The following KCNAB1 variants were observed in gnomAD, a reference collection of about 807,000 sequenced individuals.
KCNAB1 encodes voltage-gated potassium channel subunit beta-1.
Under a neutral mutation model 64.6 loss-of-function variants are expected in KCNAB1, and 35 were observed. The observed-to-expected ratio is 0.54, with a 90% CI of 0.41 to 0.72. The LOEUF is 0.72. Among genes scored for constraint, KCNAB1 ranks in the 30% least tolerant of loss-of-function variants. KCNAB1 has a pLI of 0.00. For synonymous variants in KCNAB1, 177 were observed against 183.8 expected, an observed-to-expected ratio of 0.96 and a Z score of 0.30; for missense variants, 401 against 512.9, an observed-to-expected ratio of 0.78 and a Z score of 2.11.
chr3:156,148,699 A>T (rs1033894706), intron 1 of KCNAB1, among the ~76,000 whole-genome samples: 1 of 152,192 alleles, frequency 6.6e-6, no homozygotes, highest in African/African-American at 2.4e-5. Flanking sequence ...TTTTTAACCA[A>T]TCCTAGTAAT....
In KCNAB1 at chr3:156,326,569, A is replaced by G. The variant is rs528205841; in HGVS notation, c.276-95047A>G. ...ACTCTATGAGATCTGGCATCTAGCA[A>G]CTTCTCCAACCTCAATTCTTATCAC... On this transcript the variant is annotated intron_variant, in intron 1 of 13. Transcript: ENST00000490337. 3.9e-5 allele frequency among the ~76,000 whole-genome samples: 6 copies of G among 152,230 alleles called. No homozygotes were observed. The South Asian group carries it at 1.2e-3, about 32-fold the overall frequency.
At chr3:156,496,444 T>C (rs11715743) in intron 8 of KCNAB1, among the ~76,000 whole-genome samples, 31,073 of 152,096 alleles carry the variant, frequency 0.2, 3,274 homozygotes, top group Middle Eastern at 0.26. Context: ...CCTGCCACCA[T>C]GTAAGACGTG....
chr3:156,264,913 G>A (rs1022328714), intron 1 of KCNAB1, among the ~76,000 whole-genome samples: 1 of 152,148 alleles, frequency 6.6e-6, no homozygotes, highest in Non-Finnish European at 1.5e-5. Flanking sequence ...TGACCACTTA[G>A]CTTATTTGGT....
At chr3:156,257,718 A>G (rs1019937237) in intron 1 of KCNAB1, among the ~76,000 whole-genome samples, 4 of 152,200 alleles carry the variant, frequency 2.6e-5, no homozygotes, top group Non-Finnish European at 5.9e-5. Flanking sequence ...CCTTCCATCC[A>G]TGGTGGCTGC....
intron 1 of KCNAB1, among the ~76,000 whole-genome samples, chr3:156,395,947 T>C (rs1292421236): frequency 6.6e-6 from 1 of 152,200 alleles, no homozygotes; most frequent in African/African-American, 2.4e-5. Context: ...CTGCCCAAGA[T>C]TGGTGCTTCT....
chr3:156,206,858 A>G (rs942858106), intron 1 of KCNAB1, among the ~76,000 whole-genome samples: 2 of 151,360 alleles, frequency 1.3e-5, no homozygotes, highest in African/African-American at 4.9e-5. Context: ...TGGAAAAAAT[A>G]TGGAAAAAAT....
intron 1 of KCNAB1, among the ~76,000 whole-genome samples, chr3:156,395,525 A>G (rs1249430431): frequency 3.9e-4 from 47 of 119,234 alleles, no homozygotes; most frequent in South Asian, 3.2e-4. Flanking sequence ...AGCCTGGGCG[A>G]CAGAGCGAGA....
intron 1 of KCNAB1, among the ~76,000 whole-genome samples, chr3:156,313,089 G>T (rs1722036135): frequency 6.6e-6 from 1 of 152,096 alleles, no homozygotes; most frequent in Non-Finnish European, 1.5e-5. Flanking sequence ...TACTTCCACA[G>T]CATTAGTAGC....
chr3:156,465,805 A>C (rs1713324456), intron 7 of KCNAB1, 119 bp downstream of exon 7: 2 of 796,422 alleles, frequency 2.5e-6, no homozygotes, highest in East Asian at 2.5e-5. Flanking sequence ...AAAGTGCCAC[A>C]ATCAACCAAG....
chr3:156,528,003 C>G (rs2108418270), intron 12 of KCNAB1, among the ~76,000 whole-genome samples: 1 of 152,294 alleles, frequency 6.6e-6, no homozygotes, highest in African/African-American at 2.4e-5. Context: ...GTAACCAGCT[C>G]TGCCCAGTGG....
intron 1 of KCNAB1, among the ~76,000 whole-genome samples, chr3:156,158,776 G>A (rs76969496): frequency 0.013 from 1,981 of 152,326 alleles, 39 homozygotes; most frequent in African/African-American, 0.032. Flanking sequence ...CGTCTGCAAT[G>A]TGGCATGTGA....
intron 1 of KCNAB1, among the ~76,000 whole-genome samples, chr3:156,131,284 C>A (rs922257714): frequency 1.3e-5 from 2 of 152,200 alleles, no homozygotes; most frequent in African/African-American, 4.8e-5. Context: ...CCAACAGCCT[C>A]CCCAGGTATG....
chr3:156,355,093 T>G (rs1725144006), intron 1 of KCNAB1, among the ~76,000 whole-genome samples: 1 of 152,190 alleles, frequency 6.6e-6, no homozygotes, highest in South Asian at 2.1e-4. Flanking sequence ...TAAGCCTGAT[T>G]TATAGGGACT....
rs114672298 is a variant in KCNAB1, at chr3:156,438,141, C to A, written c.320-14758C>A. 7.8e-3 allele frequency among the ~76,000 whole-genome samples: 1,183 copies of A among 152,314 alleles called. 19 individuals are homozygous for A. The highest frequency in any genetic ancestry group is 0.027 in the African/African-American group (1,140 of 41,556). ...GAAGATCACTGGCCTGGATAAGGAGCTCCAAATTCTGGCTTCCTGTGCAGC... is the reference window on the plus strand; with the variant it reads ...GAAGATCACTGGCCTGGATAAGGAGATCCAAATTCTGGCTTCCTGTGCAGC... On this transcript the variant is annotated intron_variant, in intron 2 of 13. Coordinates refer to ENST00000490337, the MANE Select transcript of KCNAB1 (RefSeq NM_172160.3).
chr3:156,330,656 G>T (rs975246911), intron 1 of KCNAB1, among the ~76,000 whole-genome samples: 1 of 152,092 alleles, frequency 6.6e-6, no homozygotes, highest in African/African-American at 2.4e-5. Context: ...ATCCCAAGCA[G>T]TGACCATTCT....
Position 156,536,784 on chromosome 3 carries a change from TAGC to T in KCNAB1, c.*38_*40del, listed in dbSNP as rs539818430. 17 of 1,403,382 alleles carry T rather than the reference TAGC, an allele frequency of 1.2e-5. No individual in the cohort carries two copies. In the African/African-American group the frequency reaches 2.3e-4, roughly 19 times the overall value. 86.9% of individuals were successfully genotyped at this position (1,403,382 alleles called of 1,614,324 possible). A position where few individuals can be genotyped will look rare whatever the true frequency, so the allele number is the denominator to read the frequency against. ...AACCACAGAAGCTGCATGGTTAAAA[TAGC>T]GGCCTGTGCCCAGTACAGAAAGGTG... On this transcript the variant is annotated 3_prime_UTR_variant, in exon 14 of 14. Coordinates refer to ENST00000490337, the MANE Select transcript of KCNAB1 (RefSeq NM_172160.3).
intron 13 of KCNAB1, among the ~76,000 whole-genome samples, chr3:156,535,775 G>T (rs546459201): frequency 6.8e-6 from 1 of 147,726 alleles, no homozygotes; most frequent in South Asian, 2.2e-4. Flanking sequence ...CTATTGCCTG[G>T]CTTGGATTGT....
intron 1 of KCNAB1, among the ~76,000 whole-genome samples, chr3:156,140,241 A>G (rs1394388944): frequency 6.6e-6 from 1 of 152,148 alleles, no homozygotes; most frequent in Non-Finnish European, 1.5e-5. Flanking sequence ...ATTCTATTTT[A>G]TTACAAGTGA....
intron 2 of KCNAB1, among the ~76,000 whole-genome samples, chr3:156,424,391 A>G (rs2108230909): frequency 6.6e-6 from 1 of 152,298 alleles, no homozygotes; most frequent in East Asian, 1.9e-4. Context: ...AGTATTGTTC[A>G]CCATAAGTCT....
Sources: gnomAD v4.1 joint callset for allele counts (sites outside exome capture counted in the v4.1 genomes callset) on GRCh38, gnomAD v4.1.1 for gene constraint, MANE v1.5 for transcripts, NCBI Gene and HGNC (gene_info 2026-07-23, HGNC 2026-07-21) for gene names.